SV2C: variants seen among roughly 807,000 people sequenced by gnomAD.
SV2C encodes the protein synaptic vesicle glycoprotein 2C.
SV2C carries 49 observed loss-of-function variants against 79.7 expected under a neutral mutation model. The observed-to-expected ratio is 0.61, with a 90% CI of 0.49 to 0.78. The LOEUF (loss-of-function observed/expected upper bound fraction) is 0.78. Among genes scored for constraint, SV2C ranks in the 30% least tolerant of loss-of-function variants. The probability of loss-of-function intolerance (pLI) is 0.00; values close to 1 mark genes in which losing one functional copy is unlikely to be tolerated. For synonymous variants in SV2C, 334 were observed against 333.2 expected (o/e 1.00, Z -0.03); for missense variants, 833 against 912.9 (o/e 0.91, Z 1.13).
the SV2C span, among the ~76,000 whole-genome samples, chr5:75,858,163 G>A: frequency 6.6e-6 from 1 of 152,172 alleles, no homozygotes; most frequent in African/African-American, 2.4e-5. Context: ...TGGCGGAAGT[G>A]GGCATCCTTG....
intron 4 of SV2C, among the ~76,000 whole-genome samples, chr5:76,283,955 A>G (rs1281950639): frequency 6.6e-6 from 1 of 152,238 alleles, no homozygotes; most frequent in Non-Finnish European, 1.5e-5. Context: ...GTAATTATAC[A>G]GCTCTCCTGG....
the SV2C span, among the ~76,000 whole-genome samples, chr5:75,972,994 G>C: frequency 4.6e-5 from 7 of 152,050 alleles, no homozygotes; most frequent in Non-Finnish European, 1.0e-4. Flanking sequence ...ATACTATGCA[G>C]CTATAAAAAT....
chr5:76,300,585 C>A, intron 10 of SV2C, 144 bp from the exon 11 acceptor site: 2 of 740,726 alleles, frequency 2.7e-6, no homozygotes, highest in Non-Finnish European at 2.2e-6. Context: ...GGCCAGAAGA[C>A]CCAAAAAGTC....
chr5:75,929,206 T>C, the SV2C span, among the ~76,000 whole-genome samples: 2 of 151,994 alleles, frequency 1.3e-5, no homozygotes, highest in African/African-American at 4.8e-5. Context: ...ACTGTCACTC[T>C]GTCCTCTCAA....
At chr5:76,351,805 G>A (rs246797) in intron 12 of SV2C, among the ~76,000 whole-genome samples, 45,839 of 152,004 alleles carry the variant, frequency 0.3, 7,264 homozygotes, top group Non-Finnish European at 0.33. Flanking sequence ...CTGTGGACCC[G>A]GTATACAAAT....
chr5:75,935,914 CAG>C, the SV2C span, among the ~76,000 whole-genome samples: 2 of 152,008 alleles, frequency 1.3e-5, no homozygotes, highest in African/African-American at 4.8e-5. Context: ...AATTTTAAAA[CAG>C]AAATAAAAAG....
chr5:75,878,029 C>T, the SV2C span, among the ~76,000 whole-genome samples: 6 of 150,680 alleles, frequency 4.0e-5, no homozygotes, highest in African/African-American at 1.5e-4. Flanking sequence ...GTAAATATAA[C>T]AAAAACCACT....
chr5:76,260,230 A>G (rs1303631899), intron 4 of SV2C, among the ~76,000 whole-genome samples: 1 of 152,198 alleles, frequency 6.6e-6, no homozygotes, highest in East Asian at 1.9e-4. Context: ...TGTTGGCTGC[A>G]TAAATGTCTT....
At chr5:75,864,859 A>T in the SV2C span, among the ~76,000 whole-genome samples, 1 of 152,238 alleles carries the variant, frequency 6.6e-6, no homozygotes, top group Non-Finnish European at 1.5e-5. Context: ...AGCACATGTG[A>T]TGAGTGACAT....
At chr5:76,161,284 T>C (rs1742890232) in intron 2 of SV2C, among the ~76,000 whole-genome samples, 1 of 152,164 alleles carries the variant, frequency 6.6e-6, no homozygotes, top group African/African-American at 2.4e-5. Flanking sequence ...CCATTTCATT[T>C]ATATGAAATG....
rs200003698 is a variant in SV2C at position 76,175,550 on chromosome 5, C to CT, written c.581-19368dup. Among the ~76,000 whole-genome samples, 388 of 152,258 alleles carry CT rather than the reference C, an allele frequency of 2.5e-3. 2 individuals are homozygous for CT. Among genetic ancestry groups the CT allele is most frequent in the African/African-American group, 8.8e-3 (366 of 41,524 alleles). ...TCTAACACAGAAGAGTAACATGGTGCTAAAATTTCCCCCATATCCCAGACA... is the reference window on the plus strand; with the variant it reads ...TCTAACACAGAAGAGTAACATGGTGCTTAAAATTTCCCCCATATCCCAGACA... On this transcript the variant is annotated intron_variant, in intron 2 of 12. Coordinates refer to ENST00000502798, the MANE Select transcript of SV2C (RefSeq NM_014979.4).
chr5:76,091,690 A>G (rs1471335737), intron 1 of SV2C: 1 of 151,670 alleles, frequency 6.6e-6, no homozygotes, highest in African/African-American at 2.4e-5. Flanking sequence ...TAAGCTTTCT[A>G]TGAGACTTTT....
At chr5:76,269,521 T>C (rs971312627) in intron 4 of SV2C, among the ~76,000 whole-genome samples, 1 of 152,204 alleles carries the variant, frequency 6.6e-6, no homozygotes, top group Non-Finnish European at 1.5e-5. Flanking sequence ...GGGTGCATTA[T>C]AAATATTCAA....
At chr5:75,895,331 G>C in the SV2C span, among the ~76,000 whole-genome samples, 2 of 152,052 alleles carry the variant, frequency 1.3e-5, no homozygotes, top group Non-Finnish European at 2.9e-5. Context: ...AGGAAGCTCA[G>C]ACATTAGACT....
chr5:75,992,405 A>G, the SV2C span, among the ~76,000 whole-genome samples: 4 of 152,028 alleles, frequency 2.6e-5, no homozygotes, highest in Admixed American at 1.3e-4. Context: ...ATGAATTTCA[A>G]CTGTCATAGT....
chr5:76,070,507 G>A, the SV2C span, among the ~76,000 whole-genome samples: 1 of 152,198 alleles, frequency 6.6e-6, no homozygotes, highest in Non-Finnish European at 1.5e-5. Flanking sequence ...ACATAGCTCT[G>A]CCTTCTCTGG....
At chr5:76,189,414 C>T (rs1744027979) in intron 2 of SV2C, among the ~76,000 whole-genome samples, 1 of 152,098 alleles carries the variant, frequency 6.6e-6, no homozygotes, top group South Asian at 2.1e-4. Context: ...TTTGCAGTGA[C>T]TATTCCAGTA....
At chr5:76,060,481 G>A in the SV2C span, among the ~76,000 whole-genome samples, 1 of 152,050 alleles carries the variant, frequency 6.6e-6, no homozygotes, top group African/African-American at 2.4e-5. Context: ...TTGAATTATG[G>A]AACCAGCTTC....
the SV2C span, among the ~76,000 whole-genome samples, chr5:76,071,647 C>T: frequency 2.6e-5 from 4 of 152,124 alleles, no homozygotes; most frequent in African/African-American, 9.7e-5. Context: ...AGCACCAATA[C>T]CTTTAGATCA....
Sources: gnomAD v4.1 joint callset for allele counts (sites outside exome capture counted in the v4.1 genomes callset) on GRCh38, gnomAD v4.1.1 for gene constraint, MANE v1.5 for transcripts, NCBI Gene and HGNC (gene_info 2026-07-23, HGNC 2026-07-21) for gene names.